KAT6A: variants seen among roughly 807,000 people sequenced by gnomAD.
The protein encoded by KAT6A is histone acetyltransferase KAT6A.
KAT6A carries 9 observed loss-of-function variants against 198.4 expected under a neutral mutation model. That is an observed-to-expected ratio of 0.05 (90% CI 0.03 to 0.08). The LOEUF (loss-of-function observed/expected upper bound fraction) is 0.08, where lower values mean the gene tolerates loss of function less well. KAT6A is among the 10% of genes least tolerant of loss of function. KAT6A has a pLI of 1.00. For synonymous variants in KAT6A, 890 were observed against 883.0 expected (o/e 1.01, Z -0.14); for missense variants, 2,077 against 2,509.9 (o/e 0.83, Z 3.69).
intron 12 of KAT6A, among the ~76,000 whole-genome samples, chr8:41,946,165 G>A (rs1229946236): frequency 6.6e-6 from 1 of 152,118 alleles, no homozygotes; most frequent in Non-Finnish European, 1.5e-5. Context: ...TGCAGGGGTA[G>A]CATTGCTCAC....
chr8:41,985,863 G>A (rs1232671746), intron 3 of KAT6A, among the ~76,000 whole-genome samples: 2 of 152,106 alleles, frequency 1.3e-5, no homozygotes, highest in African/African-American at 4.8e-5. Context: ...ATAAAACACT[G>A]AAAATTAAGC....
chr8:42,042,763 C>A (rs1317941726), intron 2 of KAT6A, among the ~76,000 whole-genome samples: 1 of 152,092 alleles, frequency 6.6e-6, no homozygotes, highest in Non-Finnish European at 1.5e-5. Flanking sequence ...TACTATGCCA[C>A]CAAATAACAA....
chr8:42,010,055 T>C (rs191605840), intron 2 of KAT6A, among the ~76,000 whole-genome samples: 21 of 152,014 alleles, frequency 1.4e-4, no homozygotes, highest in Admixed American at 1.0e-3. Flanking sequence ...TCGCAGCACT[T>C]TGGGAGGCCA....
intron 8 of KAT6A, among the ~76,000 whole-genome samples, chr8:41,956,299 G>A (rs111526780): frequency 7.9e-5 from 12 of 152,282 alleles, no homozygotes; most frequent in African/African-American, 2.6e-4. Context: ...GTGTGTGAGT[G>A]CAGATATATC....
At chr8:41,951,024 T>G (rs1477861206) in intron 9 of KAT6A, among the ~76,000 whole-genome samples, 3 of 152,122 alleles carry the variant, frequency 2.0e-5, no homozygotes, top group African/African-American at 7.2e-5. Flanking sequence ...CAAAAATGTT[T>G]AAAGCTCTTA....
chr8:41,973,370 C>T (rs529546587), intron 8 of KAT6A, among the ~76,000 whole-genome samples: 4 of 152,058 alleles, frequency 2.6e-5, no homozygotes, highest in Admixed American at 1.3e-4. Context: ...GGACCACAGG[C>T]GTGTGCCACC....
intron 16 of KAT6A, among the ~76,000 whole-genome samples, chr8:41,935,740 C>G (rs546975514): frequency 6.6e-6 from 1 of 152,104 alleles, no homozygotes; most frequent in Admixed American, 6.5e-5. Flanking sequence ...GTAGTAGTAA[C>G]TTGAAAGTCA....
intron 2 of KAT6A, among the ~76,000 whole-genome samples, chr8:42,041,864 AT>A (rs1261129908): frequency 2.0e-5 from 3 of 152,252 alleles, no homozygotes; most frequent in Admixed American, 2.0e-4. Flanking sequence ...TATCCTCAAT[AT>A]TTTATCTTTT....
rs1215441969 is a variant in KAT6A, at chr8:42,049,283, G to GA, written c.-307dup. The GA allele has an allele frequency of 5.9e-6, 2 of 340,292 alleles. No individual in the cohort carries two copies. Among genetic ancestry groups the GA allele is most frequent in the Non-Finnish European group, 1.1e-5 (2 of 186,888 alleles). 21.1% of individuals were successfully genotyped at this position (340,292 alleles called of 1,614,324 possible). A position where few individuals can be genotyped will look rare whatever the true frequency, so the allele number is the denominator to read the frequency against. On this transcript the variant is annotated 5_prime_UTR_variant, in exon 2 of 17. It removes the in-frame stop codon of an upstream open reading frame in the 5' UTR. Transcript: ENST00000265713. The stretch of plus-strand genomic sequence containing the variant: ...ATATTTCATTCCCGGCTCCAGAGCA[G>GA]AAAAATGTGCATCTTATGCCTGAAA...
chr8:41,959,684 G>A (rs1175490872), intron 8 of KAT6A, among the ~76,000 whole-genome samples: 4 of 152,118 alleles, frequency 2.6e-5, no homozygotes, highest in Admixed American at 6.5e-5. Flanking sequence ...ATGGTTGGGC[G>A]CTGGTGGCTC....
chr8:41,942,780 T>A lies in KAT6A; in HGVS notation c.2436+13A>T, dbSNP rs1205220262. ...CTTCTGTCATCAAAAATAGAGACTA[T>A]TCATGCCCTTACACTGATCTCTAAT... On this transcript the variant is annotated intron_variant, in intron 14 of 16. Coordinates refer to ENST00000265713, the MANE Select transcript of KAT6A (RefSeq NM_006766.5). 1 of 1,613,704 alleles carries A rather than the reference T, an allele frequency of 6.2e-7. No homozygotes were observed. Among genetic ancestry groups the A allele is most frequent in the Admixed American group, 1.7e-5 (1 of 59,988 alleles).
chr8:41,972,348 T>C (rs1823837487), intron 8 of KAT6A, among the ~76,000 whole-genome samples: 2 of 152,204 alleles, frequency 1.3e-5, no homozygotes, highest in Non-Finnish European at 2.9e-5. Context: ...AGATAAAAGT[T>C]TGATGAAAAA....
At chr8:42,007,183 A>G (rs1287917733) in intron 2 of KAT6A, among the ~76,000 whole-genome samples, 1 of 149,512 alleles carries the variant, frequency 6.7e-6, no homozygotes, top group Non-Finnish European at 1.5e-5. Context: ...ACAATGACAC[A>G]GTTTATATAG....
intron 4 of KAT6A, among the ~76,000 whole-genome samples, 166 bp from the exon 5 acceptor site, chr8:41,981,093 G>C (rs2150889365): frequency 6.6e-6 from 1 of 152,324 alleles, no homozygotes; most frequent in East Asian, 1.9e-4. Context: ...GTCGAGGCGG[G>C]TGGATCATGA....
In KAT6A at chr8:42,024,389, A is replaced by G. The variant is rs189729063; in HGVS notation, c.600+23989T>C. 3.4e-4 allele frequency among the ~76,000 whole-genome samples: 52 copies of G among 152,356 alleles called. 1 individual carries two copies. Among genetic ancestry groups the G allele is most frequent in the Non-Finnish European group, 6.8e-4 (46 of 68,042 alleles). ...TTTTGATACCTGCATACAATGCGTA[A>G]TGATCAAATCAGGGTATTTAGGATA... On this transcript the variant is annotated intron_variant, in intron 2 of 16. Coordinates refer to ENST00000265713, the MANE Select transcript of KAT6A (RefSeq NM_006766.5).
rs184289418 is a variant in KAT6A at position 42,015,514 on chromosome 8, C to A, written c.601-27951G>T. On this transcript the variant is annotated intron_variant, in intron 2 of 16. Coordinates refer to ENST00000265713, the MANE Select transcript of KAT6A (RefSeq NM_006766.5). The stretch of plus-strand genomic sequence containing the variant: ...AGACACTGAACACTTACCTTCAAGG[C>A]GCTTACAAATTAGTGATCTAGAAAG... Among the ~76,000 whole-genome samples the A allele has an allele frequency of 2.0e-5, 3 of 152,304 alleles. No individual in the cohort carries two copies. The East Asian group carries it at 5.8e-4, about 29-fold the overall frequency.
At chr8:42,005,796 A>ACACACACACACACTCT (rs71239089) in intron 2 of KAT6A, among the ~76,000 whole-genome samples, 1 of 148,794 alleles carries the variant, frequency 6.7e-6, no homozygotes, top group African/African-American at 2.5e-5. Context: ...ACACACACAC[A>ACACACACACACACTCT]CACTCACTCT....
At position 41,934,431 on chromosome 8, in the gene KAT6A, G is replaced by A. The variant is rs147084960; in HGVS notation, c.3789C>T (p.Thr1263=). Residue 1263 remains threonine (T), a synonymous_variant, in exon 17 of 17, where the codon ACC becomes ACT. Coordinates refer to ENST00000265713, the MANE Select transcript of KAT6A (RefSeq NM_006766.5). ...SPADSSNSPE[T]ETKEPEVEEE... ...CCTCCACCTCAGGCTCCTTGGTTTCGGTCTCAGGACTATTGCTGCTGTCTG... is the reference window on the plus strand; with the variant it reads ...CCTCCACCTCAGGCTCCTTGGTTTCAGTCTCAGGACTATTGCTGCTGTCTG... 34 of 1,608,910 alleles carry A rather than the reference G, an allele frequency of 2.1e-5. No individual in the cohort carries two copies. The African/African-American group carries it at 2.1e-4, about 10-fold the overall frequency.
chr8:42,036,180 G>A (rs1392375503), intron 2 of KAT6A, among the ~76,000 whole-genome samples: 1 of 151,948 alleles, frequency 6.6e-6, no homozygotes, highest in African/African-American at 2.4e-5. Flanking sequence ...AAAAAAGGTG[G>A]GAAGAAATAC....
Sources: allele counts gnomAD v4.1 joint callset (sites outside exome capture counted in the v4.1 genomes callset), GRCh38; gene constraint gnomAD v4.1.1; transcripts MANE v1.5; gene names NCBI Gene and HGNC (gene_info 2026-07-23, HGNC 2026-07-21).